CMC1: variants seen among roughly 807,000 people sequenced by gnomAD.
The protein encoded by CMC1 is COX assembly mitochondrial protein homolog.
Under a neutral mutation model 14.1 loss-of-function variants are expected in CMC1, and 14 were observed. The observed-to-expected ratio is 0.99, with a 90% CI of 0.66 to 1.55. The LOEUF is 1.55. Ranked by LOEUF, CMC1 falls within the 40% of genes most tolerant of loss-of-function variation. CMC1 has a pLI of 0.00. For synonymous variants in CMC1, 50 were observed against 38.4 expected, an observed-to-expected ratio of 1.30 and a Z score of -1.12; for missense variants, 127 against 123.8, an observed-to-expected ratio of 1.03 and a Z score of -0.12.
chr3:28,303,999 A>G (rs1014178068), intron 2 of CMC1, among the ~76,000 whole-genome samples: 5 of 152,172 alleles, frequency 3.3e-5, no homozygotes, highest in Admixed American at 3.3e-4. Context: ...TATAAATCAT[A>G]AAACAGTAGC....
chr3:28,242,783 G>A (rs1389902860), intron 1 of CMC1, among the ~76,000 whole-genome samples: 1 of 152,158 alleles, frequency 6.6e-6, no homozygotes, highest in East Asian at 1.9e-4. Flanking sequence ...TTGAAGCATA[G>A]AGGAGTTCTG....
At chr3:28,279,451 A>G (rs1700756077) in intron 2 of CMC1, among the ~76,000 whole-genome samples, 1 of 152,232 alleles carries the variant, frequency 6.6e-6, no homozygotes, top group Non-Finnish European at 1.5e-5. Flanking sequence ...CACAGAAACA[A>G]GAAGACATGA....
At position 28,321,105 on chromosome 3, in the gene CMC1, A is replaced by G. The variant is rs1703173712; in HGVS notation, c.*1476A>G. On this transcript the variant is annotated 3_prime_UTR_variant, in exon 4 of 4. Transcript: ENST00000466830. ...TTACTTTTATTTGAAATACAAAGAA[A>G]CCACATTTTCCCAGGCCACAGATCA... 6.6e-6 allele frequency: 1 copy of G among 151,356 alleles called. No individual in the cohort carries two copies. The highest frequency in any genetic ancestry group is 1.5e-5 in the Non-Finnish European group (1 of 67,548). 9.4% of individuals were successfully genotyped at this position (151,356 alleles called of 1,614,324 possible).
intron 1 of CMC1, among the ~76,000 whole-genome samples, chr3:28,248,874 C>T (rs1381538900): frequency 6.6e-6 from 1 of 152,124 alleles, no homozygotes; most frequent in Non-Finnish European, 1.5e-5. Flanking sequence ...ACTGCAAGCT[C>T]CGCTTCCTGG....
chr3:28,314,210 C>T (rs1702777432), intron 2 of CMC1, among the ~76,000 whole-genome samples: 1 of 152,154 alleles, frequency 6.6e-6, no homozygotes, highest in Admixed American at 6.5e-5. Context: ...ATCTTAACAT[C>T]ATGCTATAAA....
At chr3:28,248,165 A>G (rs1031381454) in intron 1 of CMC1, among the ~76,000 whole-genome samples, 13 of 152,244 alleles carry the variant, frequency 8.5e-5, no homozygotes, top group Admixed American at 7.8e-4. Context: ...TATGTAACAA[A>G]TAATTGGAGA....
Position 28,322,193 on chromosome 3 carries a change from T to A in CMC1, c.*2564T>A, listed in dbSNP as rs917239071. On this transcript the variant is annotated 3_prime_UTR_variant, in exon 4 of 4. Transcript: ENST00000466830. ...TGTCACAGTCACTGACTTTTTAGTATACCTGTTTGATAGCTATCATCACTG... is the reference window on the plus strand; with the variant it reads ...TGTCACAGTCACTGACTTTTTAGTAAACCTGTTTGATAGCTATCATCACTG... The A allele has an allele frequency of 2.6e-5, 4 of 151,272 alleles. No individual in the cohort carries two copies. Among genetic ancestry groups the A allele is most frequent in the Non-Finnish European group, 4.4e-5 (3 of 67,438 alleles). The allele number at this position is 151,272 out of a possible 1,614,324, so 9.4% of individuals were successfully genotyped here.
chr3:28,242,083 C>A (rs1039715679), intron 1 of CMC1, among the ~76,000 whole-genome samples: 8 of 152,314 alleles, frequency 5.3e-5, no homozygotes, highest in Admixed American at 3.9e-4. Context: ...TCATTGTCAC[C>A]CTCTTTTCGC....
chr3:28,312,820 T>G (rs1423813101), intron 2 of CMC1, among the ~76,000 whole-genome samples: 1 of 152,202 alleles, frequency 6.6e-6, no homozygotes, highest in Non-Finnish European at 1.5e-5. Context: ...TTTTCCTAGA[T>G]AATCTTGAGC....
chr3:28,246,839 T>G (rs1392346496), intron 1 of CMC1, among the ~76,000 whole-genome samples: 1 of 149,398 alleles, frequency 6.7e-6, no homozygotes, highest in African/African-American at 2.5e-5. Context: ...GTCTTTCCCA[T>G]AATGGTTGCA....
chr3:28,247,879 C>A (rs998933231), intron 1 of CMC1, among the ~76,000 whole-genome samples: 1 of 152,016 alleles, frequency 6.6e-6, no homozygotes, highest in African/African-American at 2.4e-5. Flanking sequence ...TCTAGGCCAT[C>A]GTACATGCTG....
In CMC1 at chr3:28,320,234, C is replaced by CTT. The variant is rs148671169; in HGVS notation, c.*606_*607dup. ...TAGTAGAGGCTTATTTGGAAACTAT[C>CTT]TTAGTCCATTTTCTGTTGCTATGGG... On this transcript the variant is annotated 3_prime_UTR_variant, in exon 4 of 4. Transcript: ENST00000466830. 4,280 of 151,674 alleles carry CTT rather than the reference C, an allele frequency of 0.028. 155 individuals are homozygous for CTT. The highest frequency in any genetic ancestry group is 0.086 in the African/African-American group (3,558 of 41,450). 9.4% of individuals were successfully genotyped at this position (151,674 alleles called of 1,614,324 possible).
intron 1 of CMC1, among the ~76,000 whole-genome samples, chr3:28,245,380 C>A (rs1009777404): frequency 2.0e-5 from 3 of 152,140 alleles, no homozygotes; most frequent in Non-Finnish European, 4.4e-5. Context: ...GATGATGGCC[C>A]ATAGGAACCT....
Position 28,322,091 on chromosome 3 carries a change from T to G in CMC1, c.*2462T>G, listed in dbSNP as rs535013549. The stretch of plus-strand genomic sequence containing the variant: ...GATATCAAGTGTAGATTTAAAAGCT[T>G]CTAGCTGGGTAAAAAATTTTTGGCT... On this transcript the variant is annotated 3_prime_UTR_variant, in exon 4 of 4. Coordinates refer to ENST00000466830, the MANE Select transcript of CMC1 (RefSeq NM_182523.2). The G allele has an allele frequency of 6.6e-6, 1 of 151,198 alleles. No homozygotes were observed. Among genetic ancestry groups the G allele is most frequent in the Admixed American group, 6.6e-5 (1 of 15,122 alleles). 9.4% of individuals were successfully genotyped at this position (151,198 alleles called of 1,614,324 possible).
At chr3:28,298,134 G>A (rs1385308706) in intron 2 of CMC1, 1 of 151,348 alleles carries the variant, frequency 6.6e-6, no homozygotes, top group Admixed American at 6.6e-5. Context: ...GACTCTACCT[G>A]TAGAGTAGAG....
intron 1 of CMC1, among the ~76,000 whole-genome samples, chr3:28,261,165 T>A (rs1022985897): frequency 2.0e-5 from 3 of 152,168 alleles, no homozygotes; most frequent in African/African-American, 7.2e-5. Flanking sequence ...CATTTGTATA[T>A]CATGCGTTCA....
intron 2 of CMC1, among the ~76,000 whole-genome samples, chr3:28,303,519 G>T (rs1167605260): frequency 6.6e-6 from 1 of 151,886 alleles, no homozygotes; most frequent in East Asian, 1.9e-4. Context: ...TTTGAATTTT[G>T]TTTATGAATA....
intron 1 of CMC1, among the ~76,000 whole-genome samples, chr3:28,259,948 G>A (rs749451377): frequency 1.3e-5 from 2 of 152,092 alleles, no homozygotes; most frequent in Admixed American, 6.5e-5. Context: ...TATGATGTAA[G>A]CTAGAAGATT....
chr3:28,259,084 G>T (rs1051121125), intron 1 of CMC1, among the ~76,000 whole-genome samples: 2 of 151,360 alleles, frequency 1.3e-5, no homozygotes, highest in Admixed American at 6.6e-5. Context: ...TGTTGTTTTG[G>T]CTATTCTATG....
Sources: allele counts gnomAD v4.1 joint callset (sites outside exome capture counted in the v4.1 genomes callset), GRCh38; gene constraint gnomAD v4.1.1; transcripts MANE v1.5; gene names NCBI Gene and HGNC (gene_info 2026-07-23, HGNC 2026-07-21).